The following METTL15 variants were observed in gnomAD, a reference collection of about 807,000 sequenced individuals.
METTL15 encodes 12S rRNA N(4)-cytidine methyltransferase METTL15.
METTL15 carries 34 observed loss-of-function variants against 38.3 expected under a neutral mutation model. The ratio of observed to expected loss-of-function variants is 0.89; its 90% CI spans 0.68 to 1.18. The LOEUF is 1.18. METTL15 is among the 50% of genes most tolerant of loss of function. The probability of loss-of-function intolerance (pLI) is 0.00; values close to 1 mark genes in which losing one functional copy is unlikely to be tolerated. For missense variants in METTL15, 438 were observed against 498.4 expected (o/e 0.88, Z 1.15); for synonymous variants, 162 against 170.9 (o/e 0.95, Z 0.41).
chr11:28,471,513 G>A (rs1239410833), intron 6 of METTL15, among the ~76,000 whole-genome samples: 3 of 152,136 alleles, frequency 2.0e-5, no homozygotes, highest in Admixed American at 6.6e-5. Flanking sequence ...TTTAGACACA[G>A]GTGGTTGAAA....
intron 5 of METTL15, among the ~76,000 whole-genome samples, chr11:28,386,616 C>T (rs1229034125): frequency 2.6e-5 from 4 of 151,902 alleles, no homozygotes; most frequent in South Asian, 2.1e-4. Flanking sequence ...AATGATAACA[C>T]GTTAATATTA....
intron 5 of METTL15, among the ~76,000 whole-genome samples, chr11:28,383,003 C>T (rs1466144261): frequency 1.3e-5 from 2 of 149,470 alleles, no homozygotes; most frequent in Non-Finnish European, 3.0e-5. Context: ...GGTACATGTG[C>T]AAGTTTGTTA....
intron 5 of METTL15, among the ~76,000 whole-genome samples, chr11:28,293,439 T>G (rs1430277177): frequency 2.0e-5 from 3 of 152,224 alleles, no homozygotes; most frequent in Non-Finnish European, 2.9e-5. Context: ...ACCAGTACCA[T>G]GCTGTTTTGG....
intron 6 of METTL15, among the ~76,000 whole-genome samples, chr11:28,444,912 C>T (rs776943116): frequency 1.2e-4 from 19 of 152,130 alleles, no homozygotes; most frequent in Non-Finnish European, 2.4e-4. Context: ...GTAAGATAGA[C>T]AGTGTCATTT....
chr11:28,228,970 G>C (rs1338732698), intron 4 of METTL15, among the ~76,000 whole-genome samples: 1 of 151,812 alleles, frequency 6.6e-6, no homozygotes, highest in Non-Finnish European at 1.5e-5. Context: ...AAACAGTCTT[G>C]ATTTAGAGTC....
Position 28,373,436 on chromosome 11 carries a change from T to C in METTL15, c.*358+11400T>C, listed in dbSNP as rs554382932. On this transcript the variant is annotated intron_variant and NMD_transcript_variant, in intron 5 of 7. Transcript: ENST00000532947. ...AATGTCTTCTTTTGAGAAGTGTCTG[T>C]TCATGTCCTTCGCCCACTTTTTGAT... Among the ~76,000 whole-genome samples the C allele has an allele frequency of 1.2e-4, 18 of 152,238 alleles. No individual in the cohort carries two copies. In the East Asian group the frequency reaches 2.5e-3, roughly 21 times the overall value.
intron 3 of METTL15, among the ~76,000 whole-genome samples, chr11:28,174,228 A>G (rs576614837): frequency 5.9e-5 from 9 of 152,216 alleles, no homozygotes; most frequent in African/African-American, 2.2e-4. Flanking sequence ...TTATATCAGT[A>G]TGGACTCATG....
In METTL15 at chr11:28,376,156, G is replaced by C. The variant is rs547047775; in HGVS notation, c.*358+14120G>C. On this transcript the variant is annotated intron_variant and NMD_transcript_variant, in intron 5 of 7. Transcript: ENST00000532947. ...AATGTATATTCTGTTGATTTGGGGT[G>C]GAGAGTTCTGTAGATGTCTATTAGG... Among the ~76,000 whole-genome samples, 3 of 151,916 alleles carry C rather than the reference G, an allele frequency of 2.0e-5. No homozygotes were observed. The South Asian group carries it at 6.3e-4, about 32-fold the overall frequency.
intron 6 of METTL15, among the ~76,000 whole-genome samples, chr11:28,455,468 A>G (rs1267222687): frequency 2.0e-5 from 3 of 151,762 alleles, no homozygotes; most frequent in Non-Finnish European, 4.4e-5. Context: ...GTCTGTAAAA[A>G]CCTGTCCTAT....
At chr11:28,501,117 T>C (rs1426570762) in intron 6 of METTL15, among the ~76,000 whole-genome samples, 2 of 152,196 alleles carry the variant, frequency 1.3e-5, no homozygotes, top group Non-Finnish European at 1.5e-5. Flanking sequence ...GTTTCAGTAA[T>C]AGACATCCTA....
chr11:28,421,845 C>G (rs1850823205), intron 5 of METTL15, among the ~76,000 whole-genome samples: 1 of 151,898 alleles, frequency 6.6e-6, no homozygotes, highest in South Asian at 2.1e-4. Flanking sequence ...CTAGATCAAT[C>G]AGACAAGAGA....
At chr11:28,343,252 A>G (rs1849969379) in intron 3 of METTL15, among the ~76,000 whole-genome samples, 1 of 151,916 alleles carries the variant, frequency 6.6e-6, no homozygotes. Flanking sequence ...CATTGAACCT[A>G]TCTAGTTATT....
chr11:28,477,147 T>C (rs979756074), intron 6 of METTL15, among the ~76,000 whole-genome samples: 4 of 152,204 alleles, frequency 2.6e-5, no homozygotes, highest in Non-Finnish European at 5.9e-5. Context: ...GAATAACTTT[T>C]TGTTCCAGTT....
chr11:28,143,072 C>T lies in METTL15; in HGVS notation c.270+29468C>T, dbSNP rs59900203. Among the ~76,000 whole-genome samples, 484 of 151,994 alleles carry T rather than the reference C, an allele frequency of 3.2e-3. 6 individuals are homozygous for T. In the East Asian group the frequency reaches 0.06, roughly 19 times the overall value. ...GGAACTGTAAAGGTAGGTGTGTGGC[C>T]TTGTCGTAGGATGAACAAGGACCCT... On this transcript the variant is annotated intron_variant, in intron 3 of 6. Coordinates refer to ENST00000407364, the MANE Select transcript of METTL15 (RefSeq NM_001113528.2).
At chr11:28,384,829 G>T (rs979605562) in intron 5 of METTL15, among the ~76,000 whole-genome samples, 2 of 151,852 alleles carry the variant, frequency 1.3e-5, no homozygotes, top group Admixed American at 1.3e-4. Flanking sequence ...TTTAATACTT[G>T]CCATTTTGAT....
chr11:28,341,646 G>A (rs1849953745), intron 3 of METTL15, among the ~76,000 whole-genome samples: 1 of 152,172 alleles, frequency 6.6e-6, no homozygotes, highest in Admixed American at 6.5e-5. Flanking sequence ...ATATACAAGA[G>A]TTAAATAGGG....
At chr11:28,503,054 G>A (rs1851597777) in intron 6 of METTL15, among the ~76,000 whole-genome samples, 1 of 152,178 alleles carries the variant, frequency 6.6e-6, no homozygotes, top group Non-Finnish European at 1.5e-5. Flanking sequence ...AGAGTCAGCT[G>A]GGGGCTCTCC....
intron 3 of METTL15, chr11:28,125,895 C>T (rs77991400): frequency 2.6e-5 from 4 of 151,890 alleles, no homozygotes; most frequent in South Asian, 2.1e-4. Flanking sequence ...TTTTTGTTTC[C>T]GTATTCTACG....
chr11:28,295,588 G>A lies in METTL15; in HGVS notation c.600-1165G>A, dbSNP rs532277991. 4.0e-4 allele frequency among the ~76,000 whole-genome samples: 60 copies of A among 150,330 alleles called. No individual in the cohort carries two copies. The South Asian group carries it at 8.4e-3, about 21-fold the overall frequency. On this transcript the variant is annotated intron_variant, in intron 5 of 6. Coordinates refer to ENST00000407364, the MANE Select transcript of METTL15 (RefSeq NM_001113528.2). ...GTACTCCAGCCTGGGCAACAAGAGCGAAACTTCGTCTCAAAAAAAAAAAAA... is the reference window on the plus strand; with the variant it reads ...GTACTCCAGCCTGGGCAACAAGAGCAAAACTTCGTCTCAAAAAAAAAAAAA...
Sources: gnomAD v4.1 joint callset for allele counts (sites outside exome capture counted in the v4.1 genomes callset) on GRCh38, gnomAD v4.1.1 for gene constraint, MANE v1.5 for transcripts, NCBI Gene and HGNC (gene_info 2026-07-23, HGNC 2026-07-21) for gene names.